The following NBEAL1 variants were observed in gnomAD, a reference collection of about 807,000 sequenced individuals.
The protein encoded by NBEAL1 is neurobeachin like 1.
In NBEAL1, 273 loss-of-function variants were observed where a neutral mutation model predicts 351.3. The ratio of observed to expected loss-of-function variants is 0.78; its 90% CI spans 0.70 to 0.86. The LOEUF is 0.86. Among genes scored for constraint, NBEAL1 ranks in the 40% least tolerant of loss-of-function variants. The pLI is 0.00. For synonymous variants in NBEAL1, 1,050 were observed against 1,086.4 expected (o/e 0.97, Z 0.66); for missense variants, 2,961 against 3,201.3 (o/e 0.92, Z 1.81).
intron 44 of NBEAL1, 92 bp downstream of exon 44, chr2:203,183,480 A>G (rs1235893108): frequency 5.5e-6 from 4 of 728,740 alleles, no homozygotes; most frequent in Non-Finnish European, 9.1e-6. Flanking sequence ...TTATTTTTCT[A>G]GATTAATTTG....
intron 51 of NBEAL1, among the ~76,000 whole-genome samples, chr2:203,205,672 C>G (rs562070316): frequency 6.6e-6 from 1 of 152,274 alleles, no homozygotes; most frequent in South Asian, 2.1e-4. Flanking sequence ...TTAGCTAGTA[C>G]TTTAATGATT....
At position 203,222,314 on chromosome 2, in the gene NBEAL1, A is replaced by G. The variant is rs10178417; in HGVS notation, c.*4960A>G. 0.89 allele frequency among the ~76,000 whole-genome samples: 134,837 copies of G among 152,186 alleles called. 60,797 individuals carry two copies. The highest frequency in any genetic ancestry group is 0.96 in the Non-Finnish European group (65,524 of 68,036). ...ATATGTAGGCACTGCTTTGGACTTC[A>G]TGAATCTCTTTGCTTGATATTCTTG... On this transcript the variant is annotated 3_prime_UTR_variant, in exon 56 of 56. Transcript: ENST00000683969.
intron 10 of NBEAL1, among the ~76,000 whole-genome samples, chr2:203,092,908 G>T (rs1359474467): frequency 6.6e-6 from 1 of 152,120 alleles, no homozygotes; most frequent in Non-Finnish European, 1.5e-5. Context: ...GACAAATTCA[G>T]TGATAAAGCC....
chr2:203,105,450 G>A (rs576562876), intron 12 of NBEAL1, among the ~76,000 whole-genome samples: 45 of 151,802 alleles, frequency 3.0e-4, no homozygotes, highest in Middle Eastern at 3.4e-3. Context: ...GGGTGACAGA[G>A]CGAGACTCCA....
intron 2 of NBEAL1, among the ~76,000 whole-genome samples, chr2:203,032,017 C>G (rs1207617000): frequency 6.6e-6 from 1 of 152,130 alleles, no homozygotes; most frequent in Non-Finnish European, 1.5e-5. Flanking sequence ...CTCAGTTGTT[C>G]TTTATTATTT....
At chr2:203,105,116 C>G (rs1412278908) in intron 12 of NBEAL1, among the ~76,000 whole-genome samples, 1 of 151,962 alleles carries the variant, frequency 6.6e-6, no homozygotes, top group African/African-American at 2.4e-5. Context: ...CTCAGCCTCC[C>G]AAAGTCTGGG....
At chr2:203,022,399 A>G (rs942385111) in intron 2 of NBEAL1, among the ~76,000 whole-genome samples, 3 of 151,996 alleles carry the variant, frequency 2.0e-5, no homozygotes, top group Non-Finnish European at 2.9e-5. Flanking sequence ...ATTTTATTTT[A>G]TTTTATTGAG....
intron 7 of NBEAL1, among the ~76,000 whole-genome samples, chr2:203,071,070 T>A (rs1054780896): frequency 2.7e-4 from 41 of 152,320 alleles, no homozygotes; most frequent in African/African-American, 9.4e-4. Context: ...TAATACTGCA[T>A]TTGATTGATT....
intron 7 of NBEAL1, among the ~76,000 whole-genome samples, chr2:203,074,317 C>CTTTTTTTTTTTT (rs56217945): frequency 1.0e-5 from 1 of 98,302 alleles, no homozygotes; most frequent in African/African-American, 4.0e-5. Flanking sequence ...TTTCTTTCTT[C>CTTTTTTTTTTTT]TTTTTTTTTT....
intron 35 of NBEAL1, among the ~76,000 whole-genome samples, chr2:203,154,570 G>A (rs1295991694): frequency 6.6e-6 from 1 of 151,906 alleles, no homozygotes; most frequent in Admixed American, 6.6e-5. Context: ...TTTTCATTAT[G>A]GGCTAACCTG....
At chr2:203,186,917 G>T (rs2064913396) in intron 44 of NBEAL1, among the ~76,000 whole-genome samples, 2 of 152,224 alleles carry the variant, frequency 1.3e-5, no homozygotes. Context: ...TTCTAGTTGA[G>T]TGGGTCTGTG....
intron 4 of NBEAL1, among the ~76,000 whole-genome samples, chr2:203,053,233 A>G (rs1367500695): frequency 6.6e-6 from 1 of 152,066 alleles, no homozygotes; most frequent in African/African-American, 2.4e-5. Flanking sequence ...ATGGTTTCCA[A>G]TACTGGATTA....
In NBEAL1 at chr2:203,213,410, A is replaced by C. The variant is rs890129885; in HGVS notation, c.7935-108A>C. Reference sequence around the variant, plus strand: ...GGACACAAGTTCCCACATCTGTAAAATTAGAATGCAGAACTAGATGAGCAT... The same window carrying C: ...GGACACAAGTTCCCACATCTGTAAACTTAGAATGCAGAACTAGATGAGCAT... On this transcript the variant is annotated intron_variant, in intron 54 of 55. Transcript: ENST00000683969. The C allele has an allele frequency of 1.5e-5, 16 of 1,044,040 alleles. 1 individual carries two copies. In the Admixed American group the frequency reaches 3.8e-4, roughly 25 times the overall value. 64.7% of individuals were successfully genotyped at this position (1,044,040 alleles called of 1,614,324 possible).
At position 203,149,065 on chromosome 2, in the gene NBEAL1, T is replaced by C; in HGVS notation, c.5379T>C (p.Leu1793=). The C allele has an allele frequency of 6.2e-7, 1 of 1,613,272 alleles. No homozygotes were observed. Among genetic ancestry groups the C allele is most frequent in the South Asian group, 1.1e-5 (1 of 90,994 alleles). The stretch of plus-strand genomic sequence containing the variant: ...GGTATAATAATATGCTTAAACAACT[T>C]AGCAGTCAACAGTTAGCCACTCTTA... The part of the protein sequence containing the change: ...NLRYNNMLKQ[L]SSQQLATLRR... The change falls in exon 34 of 56, where the codon CTT becomes CTC. Residue 1793 remains leucine (L), a synonymous_variant. Transcript: ENST00000683969.
At chr2:203,068,327 T>G (rs193042217) in intron 6 of NBEAL1, 66 bp from the exon 7 acceptor site, 1 of 701,244 alleles carries the variant, frequency 1.4e-6, no homozygotes, top group African/African-American at 1.8e-5. Context: ...TTATAATTGT[T>G]TTTGTAATTG....
At chr2:203,204,386 A>G (rs1415243851) in intron 51 of NBEAL1, among the ~76,000 whole-genome samples, 1 of 141,798 alleles carries the variant, frequency 7.1e-6, no homozygotes, top group African/African-American at 2.7e-5. Context: ...GTGCAGTGGC[A>G]GTGGCACAAT....
rs780848186 is a variant in NBEAL1, at chr2:203,021,901, A to AT, written c.51+5468dup. Among the ~76,000 whole-genome samples, 5 of 152,042 alleles carry AT rather than the reference A, an allele frequency of 3.3e-5. No homozygotes were observed. In the Middle Eastern group the frequency reaches 0.01, roughly 310 times the overall value. On this transcript the variant is annotated intron_variant, in intron 2 of 55. Coordinates refer to ENST00000683969, the MANE Select transcript of NBEAL1 (RefSeq NM_001378026.1). ...CGTCTTTACTAAAAATACAAAAAAAATTAGCCAGGCACGGTGGCGGGCACC... is the reference window on the plus strand; with the variant it reads ...CGTCTTTACTAAAAATACAAAAAAAATTTAGCCAGGCACGGTGGCGGGCACC...
chr2:203,207,739 C>T (rs550712581), intron 51 of NBEAL1, among the ~76,000 whole-genome samples: 35 of 152,284 alleles, frequency 2.3e-4, no homozygotes, highest in African/African-American at 6.7e-4. Context: ...GTCATCACCA[C>T]TCCCTAATCT....
Position 203,044,051 on chromosome 2 carries a change from G to T in NBEAL1, c.143+2195G>T, listed in dbSNP as rs144782541. Among the ~76,000 whole-genome samples the T allele has an allele frequency of 5.6e-3, 859 of 152,262 alleles. 10 individuals are homozygous for T. The highest frequency in any genetic ancestry group is 0.019 in the African/African-American group (804 of 41,562). On this transcript the variant is annotated intron_variant, in intron 3 of 55. Transcript: ENST00000683969. Reference sequence around the variant, plus strand: ...TGTTTCAAAGTCACTTTAGTGGCTGGTGGAGAGGGTTGAGACTGAAGGCAA... The same window carrying T: ...TGTTTCAAAGTCACTTTAGTGGCTGTTGGAGAGGGTTGAGACTGAAGGCAA...
Sources: allele counts gnomAD v4.1 joint callset (sites outside exome capture counted in the v4.1 genomes callset), GRCh38; gene constraint gnomAD v4.1.1; transcripts MANE v1.5; gene names NCBI Gene and HGNC (gene_info 2026-07-23, HGNC 2026-07-21).